KLB: variants seen among roughly 807,000 people sequenced by gnomAD.
The protein encoded by KLB is beta-klotho.
In KLB, 44 loss-of-function variants were observed where a neutral mutation model predicts 88.4. The ratio of observed to expected loss-of-function variants is 0.50; its 90% confidence interval spans 0.39 to 0.64. The LOEUF is 0.64. Ranked by LOEUF, KLB falls within the 30% of genes least tolerant of loss-of-function variation. The pLI, the probability that KLB is intolerant of heterozygous loss-of-function variation, is 0.00. For missense variants in KLB, 1,137 were observed against 1,304.8 expected, an observed-to-expected ratio of 0.87 and a Z score of 1.98; for synonymous variants, 548 against 513.4, an observed-to-expected ratio of 1.07 and a Z score of -0.91.
intron 3 of KLB, among the ~76,000 whole-genome samples, chr4:39,443,465 C>T (rs1743658675): frequency 6.6e-6 from 1 of 151,966 alleles, no homozygotes. Flanking sequence ...CTGATGCTGG[C>T]CAGGCTCGAT....
chr4:39,409,275 C>T (rs1336901356), intron 1 of KLB, among the ~76,000 whole-genome samples: 1 of 150,330 alleles, frequency 6.7e-6, no homozygotes. Context: ...ATATTCCTCT[C>T]ATTTAGTCCT....
chr4:39,445,713 T>C (rs12649355), intron 3 of KLB, among the ~76,000 whole-genome samples: 2 of 145,334 alleles, frequency 1.4e-5, no homozygotes, highest in African/African-American at 5.2e-5. Flanking sequence ...GTAGAGACGG[T>C]GTTTCTCCAT....
At chr4:39,423,993 T>C (rs1238826961) in intron 1 of KLB, among the ~76,000 whole-genome samples, 1 of 151,862 alleles carries the variant, frequency 6.6e-6, no homozygotes, top group Non-Finnish European at 1.5e-5. Flanking sequence ...AGTGAGACCC[T>C]GTCTCTGCAA....
chr4:39,416,198 T>C (rs1015810867), intron 1 of KLB, among the ~76,000 whole-genome samples: 2 of 152,030 alleles, frequency 1.3e-5, no homozygotes, highest in Non-Finnish European at 2.9e-5. Context: ...CTTTAAAATA[T>C]TGTACATTAA....
intron 2 of KLB, among the ~76,000 whole-genome samples, chr4:39,437,172 AGCAGGG>A (rs1743489542): frequency 6.6e-6 from 1 of 152,210 alleles, no homozygotes; most frequent in African/African-American, 2.4e-5. Context: ...CCTGGAGCAT[AGCAGGG>A]TAAGCTCCTC....
chr4:39,434,710 G>A lies in KLB; in HGVS notation c.1326G>A (p.Gln442=). 1 of 1,610,714 alleles carries A rather than the reference G, an allele frequency of 6.2e-7. No individual in the cohort carries two copies. The highest frequency in any genetic ancestry group is 8.5e-7 in the Non-Finnish European group (1 of 1,178,688). Residue 442 remains glutamine (Q), a synonymous_variant, in exon 2 of 5, where the codon CAG becomes CAA. Coordinates refer to ENST00000257408, the MANE Select transcript of KLB (RefSeq NM_175737.4). The part of the protein sequence containing the change: ...AIYMMKNFLS[Q]VLQAIRLDEI... The stretch of plus-strand genomic sequence containing the variant: ...ACATGATGAAGAATTTCCTCAGCCA[G>A]GTGCTTCAAGGTTGGTTGTACACTT...
At chr4:39,431,091 A>ATTTTTTTT (rs35397824) in intron 1 of KLB, among the ~76,000 whole-genome samples, 1 of 114,686 alleles carries the variant, frequency 8.7e-6, no homozygotes, top group South Asian at 2.9e-4. Flanking sequence ...TAATTTTTGT[A>ATTTTTTTT]TTTTTTTTTT....
rs774747030 is a variant in KLB, at chr4:39,407,514, C to A, written c.565C>A (p.Pro189Thr). ...CGCTCTAGTGCTTAGAAACATTGAA[C>A]CTATAGTTACTTTATACCACTGGGA... The part of the protein sequence containing the change: ...LDALVLRNIE[P>T]IVTLYHWDLP... The change falls in exon 1 of 5, where the codon CCT becomes ACT. Residue 189 changes from proline to threonine, a missense_variant. Transcript: ENST00000257408. 5.0e-6 allele frequency: 8 copies of A among 1,613,990 alleles called. No homozygotes were observed. Among genetic ancestry groups the A allele is most frequent in the Admixed American group, 1.7e-5 (1 of 59,988 alleles).
At chr4:39,432,871 C>A (rs1743392942) in intron 1 of KLB, among the ~76,000 whole-genome samples, 1 of 151,144 alleles carries the variant, frequency 6.6e-6, no homozygotes, top group East Asian at 1.9e-4. Flanking sequence ...AGACAACAAC[C>A]TTATAGGGGA....
chr4:39,409,066 A>G (rs1410524739), intron 1 of KLB, among the ~76,000 whole-genome samples: 1 of 151,730 alleles, frequency 6.6e-6, no homozygotes, highest in Non-Finnish European at 1.5e-5. Flanking sequence ...GCATTGTACT[A>G]TGGTTTCAGA....
chr4:39,429,784 T>C (rs1415202689), intron 1 of KLB, among the ~76,000 whole-genome samples: 1 of 152,196 alleles, frequency 6.6e-6, no homozygotes, highest in Non-Finnish European at 1.5e-5. Flanking sequence ...TAGATGGATA[T>C]GGCAAACTCA....
At chr4:39,447,738 A>G (rs1157407033) in intron 4 of KLB, among the ~76,000 whole-genome samples, 1 of 152,252 alleles carries the variant, frequency 6.6e-6, no homozygotes, top group East Asian at 1.9e-4. Flanking sequence ...TCCCCAGGAT[A>G]AACAGTCACT....
Position 39,416,091 on chromosome 4 carries a change from A to C in KLB, c.825+8317A>C, listed in dbSNP as rs180754110. On this transcript the variant is annotated intron_variant, in intron 1 of 4. Coordinates refer to ENST00000257408, the MANE Select transcript of KLB (RefSeq NM_175737.4). ...GGATTTAAACCTGCAACAACAACAA[A>C]AAAAAAGTAGATTGCAGACACACAC... is the stretch of plus-strand genomic sequence containing the variant. 3.5e-3 allele frequency among the ~76,000 whole-genome samples: 528 copies of C among 151,416 alleles called. 5 individuals carry two copies. The highest frequency in any genetic ancestry group is 9.2e-3 in the African/African-American group (378 of 41,048).
intron 1 of KLB, among the ~76,000 whole-genome samples, chr4:39,422,505 C>T (rs978326820): frequency 2.0e-5 from 3 of 152,100 alleles, no homozygotes; most frequent in African/African-American, 7.2e-5. Flanking sequence ...GTACCTACCT[C>T]GCAGAATTTC....
rs764406039 is a variant in KLB at position 39,446,773 on chromosome 4, G to C, written c.2047G>C (p.Asp683His). Residue 683 changes from aspartate (D) to histidine (H), a missense_variant, in exon 4 of 5, where the codon GAC becomes CAC. Around this residue, in one of 4 missense-constraint regions of KLB, gnomAD observed 597 missense variants for 765.2 expected, o/e 0.78. Coordinates refer to ENST00000257408, the MANE Select transcript of KLB (RefSeq NM_175737.4). This position sits in a 1 kb window ranked among gnomAD's most constrained non-coding sequence, Gnocchi z 6.4. ...YAGLCFQELG[D>H]LVKLWITINE... ...TGGGCTGTGCTTCCAGGAGCTGGGGGACCTGGTGAAGCTCTGGATCACCAT... is the reference window on the plus strand; with the variant it reads ...TGGGCTGTGCTTCCAGGAGCTGGGGCACCTGGTGAAGCTCTGGATCACCAT... 3 of 1,609,018 alleles carry C rather than the reference G, an allele frequency of 1.9e-6. No homozygotes were observed. Among genetic ancestry groups the C allele is most frequent in the Non-Finnish European group, 8.5e-7 (1 of 1,177,776 alleles).
rs756667448 is a variant in KLB at position 39,446,334 on chromosome 4, C to G, written c.1608C>G (p.Pro536=). The change falls in exon 4 of 5, where the codon CCC becomes CCG. Residue 536 remains proline (P), a splice_region_variant and synonymous_variant. Transcript: ENST00000257408. This position sits in a 1 kb window ranked among gnomAD's most constrained non-coding sequence, Gnocchi z 6.4. ...SWGVTESVLK[P]ESVASSPQFS... ...CTAAATGAGCTTGTTTTTCACAGCC[C>G]GAGTCTGTGGCTTCGTCCCCACAGT... 5 of 1,612,000 alleles carry G rather than the reference C, an allele frequency of 3.1e-6. No homozygotes were observed. Among genetic ancestry groups the G allele is most frequent in the African/African-American group, 1.3e-5 (1 of 74,868 alleles).
At position 39,446,947 on chromosome 4, in the gene KLB, T is replaced by C; in HGVS notation, c.2221T>C (p.Ser741Pro). ...RPSQRGAVSL[S>P]LHADWAEPAN... ...CTCACAGCGCGGGGCCGTGTCGCTG[T>C]CGCTGCACGCGGACTGGGCGGAACC... The change falls in exon 4 of 5, where the codon TCG (serine) becomes CCG (proline). Residue 741 changes from serine to proline, a missense_variant. Coordinates refer to ENST00000257408, the MANE Select transcript of KLB (RefSeq NM_175737.4). The surrounding 1 kb of genome is among the most constrained non-coding windows in gnomAD (Gnocchi z 6.4). The C allele has an allele frequency of 6.2e-7, 1 of 1,605,450 alleles. No individual in the cohort carries two copies. Among genetic ancestry groups the C allele is most frequent in the Non-Finnish European group, 8.5e-7 (1 of 1,179,006 alleles).
At chr4:39,424,501 G>C (rs77021034) in intron 1 of KLB, among the ~76,000 whole-genome samples, 2,862 of 151,878 alleles carry the variant, frequency 0.019, 177 homozygotes, top group African/African-American at 0.065. Context: ...TTCTAGGGAC[G>C]TAGGTAAGCA....
At chr4:39,431,701 G>A (rs750271618) in intron 1 of KLB, among the ~76,000 whole-genome samples, 1 of 152,206 alleles carries the variant, frequency 6.6e-6, no homozygotes, top group South Asian at 2.1e-4. Context: ...TATTTAAATT[G>A]TTTTTTCTTG....
Sources: gnomAD v4.1 joint callset for allele counts (sites outside exome capture counted in the v4.1 genomes callset) on GRCh38, gnomAD v4.1.1 for gene constraint, gnomAD v4.1.1 regional missense constraint, Gnocchi (gnomAD v3.1) non-coding constraint, MANE v1.5 for transcripts, NCBI Gene and HGNC (gene_info 2026-07-23, HGNC 2026-07-21) for gene names.